The following GNL2 variants were observed in gnomAD, a reference collection of about 807,000 sequenced individuals.
GNL2 encodes the protein nucleolar GTP-binding protein 2.
GNL2 carries 51 observed loss-of-function variants against 92.3 expected under a neutral mutation model. That is an observed-to-expected ratio of 0.55 (90% confidence interval 0.44 to 0.70). The LOEUF is 0.70. Among genes scored for constraint, GNL2 ranks in the 30% least tolerant of loss-of-function variants. The probability of loss-of-function intolerance (pLI) is 0.00; values close to 1 mark genes in which losing one functional copy is unlikely to be tolerated. For synonymous variants in GNL2, 283 were observed against 300.6 expected, an observed-to-expected ratio of 0.94 and a Z score of 0.61; for missense variants, 844 against 895.6, an observed-to-expected ratio of 0.94 and a Z score of 0.74.
chr1:37,568,551 C>G, intron 13 of GNL2, 194 bp from the exon 14 acceptor site: 3 of 603,032 alleles, frequency 5.0e-6, no homozygotes, highest in Non-Finnish European at 8.8e-6. Flanking sequence ...CTGCAGGCAG[C>G]TGAATTTTAC....
intron 5 of GNL2, among the ~76,000 whole-genome samples, chr1:37,585,671 TC>T (rs1234051226): frequency 1.3e-5 from 2 of 152,072 alleles, no homozygotes; most frequent in Non-Finnish European, 2.9e-5. Context: ...TTCAAATAAT[TC>T]TAAGAACAAA....
chr1:37,584,369 A>C (rs1643819014), intron 5 of GNL2, among the ~76,000 whole-genome samples: 1 of 151,600 alleles, frequency 6.6e-6, no homozygotes, highest in South Asian at 2.1e-4. Flanking sequence ...GAACTCCTTG[A>C]GCCCAGGAGG....
intron 3 of GNL2, among the ~76,000 whole-genome samples, chr1:37,591,965 G>T (rs968599656): frequency 2.6e-5 from 4 of 152,230 alleles, no homozygotes; most frequent in Non-Finnish European, 5.9e-5. Flanking sequence ...GTCTAATCGA[G>T]TCACAGTACC....
intron 5 of GNL2, among the ~76,000 whole-genome samples, chr1:37,585,700 T>C (rs933896142): frequency 6.6e-6 from 1 of 152,132 alleles, no homozygotes; most frequent in Middle Eastern, 3.2e-3. Context: ...ACTCACTGCC[T>C]CTTTTTGCTT....
intron 8 of GNL2, among the ~76,000 whole-genome samples, chr1:37,578,312 G>C (rs2148134013): frequency 6.6e-6 from 1 of 152,048 alleles, no homozygotes; most frequent in South Asian, 2.1e-4. Flanking sequence ...GGTGGTGCTT[G>C]CCTGTACTCC....
chr1:37,567,561 A>G (rs950776760), intron 15 of GNL2, 112 bp downstream of exon 15: 2 of 779,718 alleles, frequency 2.6e-6, no homozygotes, highest in African/African-American at 1.7e-5. Flanking sequence ...AACTAGGTCA[A>G]CGAGGACTGG....
intron 8 of GNL2, among the ~76,000 whole-genome samples, chr1:37,577,186 C>T (rs1459368409): frequency 1.3e-5 from 2 of 151,758 alleles, no homozygotes; most frequent in Non-Finnish European, 2.9e-5. Flanking sequence ...ATTGATAAAA[C>T]ATCTTCGGGA....
At position 37,595,786 on chromosome 1, in the gene GNL2, T is replaced by C. The variant is rs919303552; in HGVS notation, c.37A>G (p.Asn13Asp). Residue 13 changes from asparagine to aspartate, a missense_variant, in exon 1 of 16, where the codon AAC becomes GAC. Physicochemically the swap from Asn to Asp is conservative, Grantham distance 23. Coordinates refer to ENST00000373062, the MANE Select transcript of GNL2 (RefSeq NM_013285.3). ...GGGTTTGTGCTGGCCTTGGACGGGT[T>C]GATGGTGCTCCGTCCTTTGTACTTG... Reference protein sequence around the residue: ...KPKYKGRSTINPSKASTNPDR... With the variant: ...KPKYKGRSTIDPSKASTNPDR... 1 of 1,614,106 alleles carries C rather than the reference T, an allele frequency of 6.2e-7. No homozygotes were observed. Among genetic ancestry groups the C allele is most frequent in the African/African-American group, 1.3e-5 (1 of 74,946 alleles).
At chr1:37,583,020 A>G in intron 6 of GNL2, 84 bp from the exon 7 acceptor site, 1 of 916,010 alleles carries the variant, frequency 1.1e-6, no homozygotes, top group South Asian at 1.8e-5. Context: ...GAAAAATAAA[A>G]TAATAATATT....
At chr1:37,568,532 C>T in intron 13 of GNL2, 175 bp from the exon 14 acceptor site, 2 of 607,046 alleles carry the variant, frequency 3.3e-6, no homozygotes, top group Admixed American at 3.1e-5. Flanking sequence ...GTTTCTAAAG[C>T]TTCTCATACT....
chr1:37,575,778 TG>T lies in GNL2; in HGVS notation c.1039-80del. ...TTCACAAACCCCTGATGCTCATGTA[TG>T]AAGCTGGAAAGGAGGAAGGGGTGAG... is the stretch of plus-strand genomic sequence containing the variant. On this transcript the variant is annotated intron_variant, in intron 9 of 15. Transcript: ENST00000373062. This position sits in a 1 kb window ranked among gnomAD's most constrained non-coding sequence, Gnocchi z 4.1. 1.1e-6 allele frequency: 1 copy of T among 872,232 alleles called. No individual in the cohort carries two copies. The highest frequency in any genetic ancestry group is 1.8e-6 in the Non-Finnish European group (1 of 553,576). 54.0% of individuals were successfully genotyped at this position (872,232 alleles called of 1,614,324 possible). A position where few individuals can be genotyped will look rare whatever the true frequency, so the allele number is the denominator to read the frequency against.
At chr1:37,573,373 T>C (rs918294904) in intron 12 of GNL2, among the ~76,000 whole-genome samples, 3 of 152,216 alleles carry the variant, frequency 2.0e-5, no homozygotes, top group Non-Finnish European at 4.4e-5. Context: ...TCAAGAGACT[T>C]GGCTGGGTTC....
At chr1:37,585,301 C>T (rs1004579441) in intron 5 of GNL2, among the ~76,000 whole-genome samples, 16 of 151,820 alleles carry the variant, frequency 1.1e-4, no homozygotes, top group Admixed American at 3.3e-4. Flanking sequence ...TCAGGTGATC[C>T]GCCCGCCTCA....
chr1:37,580,392 TTC>T lies in GNL2; in HGVS notation c.909+1829_909+1830del. The stretch of plus-strand genomic sequence containing the variant: ...AGACAGTGCAGTGGTAACCTCAGTA[TTC>T]TGAGGAAAAACAGCATAAAGGGTAG... On this transcript the variant is annotated intron_variant, in intron 8 of 15. Transcript: ENST00000373062. Among the ~76,000 whole-genome samples, 3 of 152,340 alleles carry T rather than the reference TTC, an allele frequency of 2.0e-5. No individual in the cohort carries two copies. In the South Asian group the frequency reaches 6.2e-4, roughly 32 times the overall value.
chr1:37,573,555 T>C (rs1342713229), intron 12 of GNL2, among the ~76,000 whole-genome samples: 1 of 152,242 alleles, frequency 6.6e-6, no homozygotes, highest in East Asian at 1.9e-4. Context: ...TCACAGGTTT[T>C]TTGAGGGCCA....
rs374617677 is a variant in GNL2 at position 37,588,674 on chromosome 1, A to AAT, written c.385-1181_385-1180dup. On this transcript the variant is annotated intron_variant, in intron 4 of 15. Coordinates refer to ENST00000373062, the MANE Select transcript of GNL2 (RefSeq NM_013285.3). ...CACACATTAGTAAGTATAACACAGT[A>AAT]ATATACAGTATATAAAGCACATATG... Among the ~76,000 whole-genome samples, 459 of 152,318 alleles carry AAT rather than the reference A, an allele frequency of 3.0e-3. 5 individuals are homozygous for AAT. Among genetic ancestry groups the AAT allele is most frequent in the African/African-American group, 8.1e-3 (336 of 41,574 alleles).
chr1:37,586,649 T>C (rs1473642540), intron 5 of GNL2, among the ~76,000 whole-genome samples: 1 of 152,218 alleles, frequency 6.6e-6, no homozygotes, highest in Non-Finnish European at 1.5e-5. Flanking sequence ...GCATTAACAA[T>C]GCTTAATATC....
chr1:37,591,896 A>G (rs1003596573), intron 3 of GNL2, among the ~76,000 whole-genome samples: 1 of 152,252 alleles, frequency 6.6e-6, no homozygotes, highest in African/African-American at 2.4e-5. Flanking sequence ...ATGAACAGAC[A>G]GACTTAATAA....
At chr1:37,576,920 T>C (rs1429042361) in intron 8 of GNL2, among the ~76,000 whole-genome samples, 1 of 152,142 alleles carries the variant, frequency 6.6e-6, no homozygotes, top group Non-Finnish European at 1.5e-5. Context: ...GAGACCAGCC[T>C]GGCCAACATG....
Sources: allele counts gnomAD v4.1 joint callset (sites outside exome capture counted in the v4.1 genomes callset), GRCh38; gene constraint gnomAD v4.1.1; non-coding constraint Gnocchi (gnomAD v3.1); transcripts MANE v1.5; gene names NCBI Gene and HGNC (gene_info 2026-07-23, HGNC 2026-07-21).